RAB10: variants seen among roughly 807,000 people sequenced by gnomAD.
The protein encoded by RAB10 is ras-related protein Rab-10.
RAB10 carries 5 observed loss-of-function variants against 25.7 expected under a neutral mutation model. The observed-to-expected ratio is 0.19, with a 90% CI of 0.10 to 0.41. The LOEUF is 0.41. Among genes scored for constraint, RAB10 ranks in the 10% least tolerant of loss-of-function variants. The probability of loss-of-function intolerance (pLI) is 1.00; values close to 1 mark genes in which losing one functional copy is unlikely to be tolerated. For missense variants in RAB10, 103 were observed against 245.8 expected (o/e 0.42, Z 3.89); for synonymous variants, 89 against 86.4 (o/e 1.03, Z -0.16).
intron 1 of RAB10, among the ~76,000 whole-genome samples, chr2:26,038,649 G>A (rs1482081075): frequency 6.6e-6 from 1 of 152,048 alleles, no homozygotes; most frequent in East Asian, 2.0e-4. Flanking sequence ...TGGGCGGGGC[G>A]CGATGGCTCA....
chr2:26,086,355 C>A (rs1016861841), intron 1 of RAB10, among the ~76,000 whole-genome samples: 1 of 152,160 alleles, frequency 6.6e-6, no homozygotes, highest in East Asian at 1.9e-4. Context: ...ATGGAAAGTT[C>A]TCAACATCAT....
chr2:26,085,745 C>G (rs1666963691), intron 1 of RAB10, among the ~76,000 whole-genome samples: 1 of 151,960 alleles, frequency 6.6e-6, no homozygotes, highest in Non-Finnish European at 1.5e-5. Flanking sequence ...ACCTGTAACC[C>G]CAGCACTTTG....
intron 2 of RAB10, among the ~76,000 whole-genome samples, chr2:26,103,724 A>G (rs760708863): frequency 5.3e-4 from 80 of 152,166 alleles, no homozygotes; most frequent in Non-Finnish European, 9.9e-4. Context: ...AGGAAACCCC[A>G]TACCTGTCAC....
rs558284327 is a variant in RAB10 at position 26,108,538 on chromosome 2, TGTG to T, written c.189-1227_189-1225del. Among the ~76,000 whole-genome samples the T allele has an allele frequency of 4.8e-4, 73 of 152,274 alleles. 2 individuals are homozygous for T. In the South Asian group the frequency reaches 0.014, roughly 29 times the overall value. Reference sequence around the variant, plus strand: ...GAGGTGATGTAATAGTTCTTTGTCTTGTGGTAGTTACACAAATCTGTACATGTA... The same window carrying T: ...GAGGTGATGTAATAGTTCTTTGTCTTGTAGTTACACAAATCTGTACATGTA... On this transcript the variant is annotated intron_variant, in intron 2 of 5. Coordinates refer to ENST00000264710, the MANE Select transcript of RAB10 (RefSeq NM_016131.5).
intron 5 of RAB10, among the ~76,000 whole-genome samples, chr2:26,129,747 A>G (rs966797334): frequency 1.3e-5 from 2 of 152,198 alleles, no homozygotes; most frequent in Non-Finnish European, 2.9e-5. Context: ...GCTTCCTTGC[A>G]TATCATATTT....
intron 1 of RAB10, among the ~76,000 whole-genome samples, chr2:26,039,414 G>A (rs1665836152): frequency 6.6e-6 from 1 of 150,998 alleles, no homozygotes; most frequent in East Asian, 2.0e-4. Flanking sequence ...GGCGCGATCT[G>A]GGCTCACTGC....
At chr2:26,096,279 G>A (rs1427871439) in intron 1 of RAB10, among the ~76,000 whole-genome samples, 2 of 152,092 alleles carry the variant, frequency 1.3e-5, no homozygotes, top group Non-Finnish European at 2.9e-5. Flanking sequence ...GACTATTGCT[G>A]TCATTCATAA....
chr2:26,056,633 A>G (rs1666273816), intron 1 of RAB10, among the ~76,000 whole-genome samples: 1 of 152,080 alleles, frequency 6.6e-6, no homozygotes, highest in Non-Finnish European at 1.5e-5. Flanking sequence ...TCCCTAAATT[A>G]TTTATTTTTC....
intron 2 of RAB10, among the ~76,000 whole-genome samples, chr2:26,100,921 C>T (rs894023751): frequency 2.7e-5 from 4 of 150,632 alleles, no homozygotes; most frequent in Non-Finnish European, 5.9e-5. Flanking sequence ...CAGGAGCAAA[C>T]AAGTAAATAA....
At chr2:26,101,042 C>T (rs1667328725) in intron 2 of RAB10, among the ~76,000 whole-genome samples, 1 of 151,998 alleles carries the variant, frequency 6.6e-6, no homozygotes, top group Non-Finnish European at 1.5e-5. Context: ...GGGAGGTCCT[C>T]TCTATAGAGG....
intron 1 of RAB10, among the ~76,000 whole-genome samples, chr2:26,064,089 CT>C (rs1238113658): frequency 6.6e-6 from 1 of 152,156 alleles, no homozygotes; most frequent in Non-Finnish European, 1.5e-5. Context: ...CCAGTAGGAG[CT>C]GCTTAATGTC....
At chr2:26,113,964 C>T (rs1257606915) in intron 3 of RAB10, among the ~76,000 whole-genome samples, 3 of 152,038 alleles carry the variant, frequency 2.0e-5, no homozygotes, top group Admixed American at 6.6e-5. Flanking sequence ...CTAAAAATTA[C>T]ATTGAGAATA....
chr2:26,101,886 T>G (rs1667348547), intron 2 of RAB10: 1 of 152,234 alleles, frequency 6.6e-6, no homozygotes, highest in Non-Finnish European at 1.5e-5. Context: ...GAGGACATCC[T>G]TAGGAAAAAG....
intron 2 of RAB10, among the ~76,000 whole-genome samples, chr2:26,099,919 A>G (rs1667308502): frequency 6.6e-6 from 1 of 151,788 alleles, no homozygotes. Context: ...GACTGTATCT[A>G]CCCCGCAGAA....
intron 1 of RAB10, among the ~76,000 whole-genome samples, chr2:26,049,378 T>C (rs186394485): frequency 1.9e-4 from 29 of 152,034 alleles, no homozygotes; most frequent in African/African-American, 6.7e-4. Flanking sequence ...TTGCCGTAAT[T>C]TACACTGCGC....
chr2:26,093,746 G>A (rs1057393021), intron 1 of RAB10, among the ~76,000 whole-genome samples: 4 of 152,102 alleles, frequency 2.6e-5, no homozygotes, highest in African/African-American at 9.7e-5. Flanking sequence ...ATACTAAGAG[G>A]CATTTTCACA....
chr2:26,077,134 C>G (rs551401861), intron 1 of RAB10, among the ~76,000 whole-genome samples: 4 of 151,910 alleles, frequency 2.6e-5, no homozygotes, highest in African/African-American at 7.3e-5. Flanking sequence ...ATTTTGAATT[C>G]GAAATAATTC....
chr2:26,062,264 A>T (rs1485200272), intron 1 of RAB10, among the ~76,000 whole-genome samples: 1 of 152,218 alleles, frequency 6.6e-6, no homozygotes, highest in African/African-American at 2.4e-5. Flanking sequence ...ATTGCAGCCC[A>T]TCCTCTGCTC....
Position 26,112,812 on chromosome 2 carries a change from GGCTCAT to G in RAB10, c.327+2909_327+2914del, listed in dbSNP as rs1667601922. On this transcript the variant is annotated intron_variant, in intron 3 of 5. Coordinates refer to ENST00000264710, the MANE Select transcript of RAB10 (RefSeq NM_016131.5). Reference sequence around the variant, plus strand: ...AAAGAAAATCTTGGCCAGGCGCAGTGGCTCATGCCTGTAATCCCAGCACTTTGGGAG... The same window carrying G: ...AAAGAAAATCTTGGCCAGGCGCAGTGGCCTGTAATCCCAGCACTTTGGGAG... Among the ~76,000 whole-genome samples the G allele has an allele frequency of 2.6e-5, 4 of 152,314 alleles. No homozygotes were observed. In the South Asian group the frequency reaches 8.3e-4, roughly 32 times the overall value.
Sources: allele counts gnomAD v4.1 joint callset (sites outside exome capture counted in the v4.1 genomes callset), GRCh38; gene constraint gnomAD v4.1.1; transcripts MANE v1.5; gene names NCBI Gene and HGNC (gene_info 2026-07-23, HGNC 2026-07-21).